ANKRD27: variants seen among roughly 807,000 people sequenced by gnomAD.
ANKRD27 encodes ankyrin repeat domain-containing protein 27.
A neutral mutation model predicts 129.7 loss-of-function variants in ANKRD27; 112 were observed. The ratio of observed to expected loss-of-function variants is 0.86; its 90% CI spans 0.74 to 1.01. The LOEUF (loss-of-function observed/expected upper bound fraction) is 1.01. ANKRD27 is among the 50% of genes least tolerant of loss of function. The pLI is 0.00. For synonymous variants in ANKRD27, 516 were observed against 511.2 expected, an observed-to-expected ratio of 1.01 and a Z score of -0.13; for missense variants, 1,258 against 1,300.5, an observed-to-expected ratio of 0.97 and a Z score of 0.50.
intron 1 of ANKRD27, among the ~76,000 whole-genome samples, chr19:32,664,188 G>C (rs937160665): frequency 3.3e-5 from 5 of 151,696 alleles, no homozygotes; most frequent in African/African-American, 1.2e-4. Context: ...ACGGGGTCTT[G>C]CTATGTTGCA....
At position 32,598,163 on chromosome 19, in the gene ANKRD27, A is replaced by C; in HGVS notation, c.3135T>G (p.Val1045=). 6.2e-7 allele frequency: 1 copy of C among 1,614,106 alleles called. No homozygotes were observed. Among genetic ancestry groups the C allele is most frequent in the East Asian group, 2.2e-5 (1 of 44,878 alleles). Residue 1045 remains valine (V), a synonymous_variant, in exon 29 of 29, where the codon GTT becomes GTG. Coordinates refer to ENST00000306065, the MANE Select transcript of ANKRD27 (RefSeq NM_032139.3). ...ATTCCTGTTAGGACCGGGAAGCACT[A>C]ACCTCTTGGGGAGTGGAGAGGGGGC... The part of the protein sequence containing the change: ...AAGPLSTPQE[V]SASRS
chr19:32,598,459 A>C, intron 28 of ANKRD27, 81 bp from the exon 29 acceptor site: 1 of 1,299,206 alleles, frequency 7.7e-7, no homozygotes, highest in Non-Finnish European at 1.1e-6. Flanking sequence ...GCTGCCCCTT[A>C]GTGCCTAGTG....
intron 4 of ANKRD27, 147 bp from the exon 5 acceptor site, chr19:32,644,626 C>A (rs936722428): frequency 1.1e-6 from 1 of 935,098 alleles, no homozygotes; most frequent in African/African-American, 1.6e-5. Flanking sequence ...TTACAGGACA[C>A]CCTGGAGTCC....
At chr19:32,601,611 CA>C (rs386388881) in intron 26 of ANKRD27, among the ~76,000 whole-genome samples, 4,804 of 65,142 alleles carry the variant, frequency 0.074, 113 homozygotes, top group East Asian at 0.35. Context: ...GACTCTGTCT[CA>C]AAAAAAAAAA....
At chr19:32,652,451 GGC>G (rs1196474375) in intron 2 of ANKRD27, among the ~76,000 whole-genome samples, 2 of 152,090 alleles carry the variant, frequency 1.3e-5, no homozygotes, top group African/African-American at 4.8e-5. Context: ...AAATTAGCCA[GGC>G]GCGGTGGCAA....
intron 22 of ANKRD27, among the ~76,000 whole-genome samples, chr19:32,610,049 G>T (rs1026072964): frequency 6.6e-6 from 1 of 151,966 alleles, no homozygotes; most frequent in South Asian, 2.1e-4. Flanking sequence ...GGTAGCTTAC[G>T]CCTGTAATGC....
intron 1 of ANKRD27, among the ~76,000 whole-genome samples, chr19:32,674,690 G>A (rs1009169114): frequency 4.0e-5 from 6 of 151,814 alleles, no homozygotes. Context: ...CTCCCCTCCA[G>A]CAGACCCTAG....
At chr19:32,607,297 G>A (rs933381625) in intron 23 of ANKRD27, among the ~76,000 whole-genome samples, 3 of 152,086 alleles carry the variant, frequency 2.0e-5, no homozygotes, top group Non-Finnish European at 4.4e-5. Context: ...AGGCACTGTC[G>A]GGGTGTAAAG....
chr19:32,671,726 A>AT (rs1967874026), intron 1 of ANKRD27, among the ~76,000 whole-genome samples: 1 of 152,228 alleles, frequency 6.6e-6, no homozygotes, highest in Non-Finnish European at 1.5e-5. Flanking sequence ...TTAGTTTGCT[A>AT]TTTTAAAATA....
intron 1 of ANKRD27, among the ~76,000 whole-genome samples, chr19:32,670,786 G>C (rs1336589789): frequency 6.6e-6 from 1 of 152,080 alleles, no homozygotes; most frequent in Non-Finnish European, 1.5e-5. Context: ...TTGAGATGGA[G>C]TTCAAGACCA....
At chr19:32,666,101 G>T (rs1967749812) in intron 1 of ANKRD27, among the ~76,000 whole-genome samples, 1 of 152,168 alleles carries the variant, frequency 6.6e-6, no homozygotes, top group African/African-American at 2.4e-5. Flanking sequence ...CACATACATG[G>T]TATATCTTTC....
In ANKRD27 at chr19:32,622,634, G is replaced by A. The variant is rs962156651; in HGVS notation, c.1630-15C>T. On this transcript the variant is annotated splice_polypyrimidine_tract_variant and intron_variant, in intron 17 of 28. Transcript: ENST00000306065. ...GCCTTCACACACTGCAAAGAGATGG[G>A]GAAATGGCATCGCTCATGGATGTAC... is the stretch of plus-strand genomic sequence containing the variant. The A allele has an allele frequency of 9.9e-6, 16 of 1,612,552 alleles. No individual in the cohort carries two copies. The highest frequency in any genetic ancestry group is 1.2e-5 in the Non-Finnish European group (14 of 1,179,880).
chr19:32,650,678 T>TA (rs929043931), intron 2 of ANKRD27, among the ~76,000 whole-genome samples: 1,774 of 128,666 alleles, frequency 0.014, 26 homozygotes, highest in South Asian at 0.035. Context: ...ACTCTGTCTT[T>TA]AAAAAAAAAA....
chr19:32,642,802 T>C (rs947613800), intron 9 of ANKRD27, among the ~76,000 whole-genome samples: 5 of 151,998 alleles, frequency 3.3e-5, no homozygotes, highest in African/African-American at 1.2e-4. Flanking sequence ...AAGGTTCCCT[T>C]GGGTGGGCAG....
chr19:32,611,732 C>A (rs10405700), intron 22 of ANKRD27, among the ~76,000 whole-genome samples: 1 of 151,856 alleles, frequency 6.6e-6, no homozygotes, highest in African/African-American at 2.4e-5. Flanking sequence ...CAGGCATGCA[C>A]CACCACGGCC....
chr19:32,632,584 CAAAAAAAAA>C (rs531083631), intron 12 of ANKRD27, among the ~76,000 whole-genome samples: 1 of 105,274 alleles, frequency 9.5e-6, no homozygotes. Flanking sequence ...GACTCCATCT[CAAAAAAAAA>C]AAAAAAAAAA....
intron 22 of ANKRD27, among the ~76,000 whole-genome samples, chr19:32,612,011 T>A (rs1484070448): frequency 6.6e-6 from 1 of 152,234 alleles, no homozygotes. Flanking sequence ...AGTGTTGGGA[T>A]TACAGGTGTA....
intron 10 of ANKRD27, among the ~76,000 whole-genome samples, chr19:32,640,719 T>A (rs567494222): frequency 3.6e-4 from 55 of 152,132 alleles, no homozygotes; most frequent in African/African-American, 1.1e-3. Flanking sequence ...CTGGGCAATA[T>A]AGCAAGACCC....
chr19:32,619,957 C>T (rs924540491), intron 18 of ANKRD27, among the ~76,000 whole-genome samples: 1 of 152,160 alleles, frequency 6.6e-6, no homozygotes, highest in Non-Finnish European at 1.5e-5. Context: ...GTAGGAACAG[C>T]TCAGAGCCAA....
Sources: gnomAD v4.1 joint callset for allele counts (sites outside exome capture counted in the v4.1 genomes callset) on GRCh38, gnomAD v4.1.1 for gene constraint, MANE v1.5 for transcripts, NCBI Gene and HGNC (gene_info 2026-07-23, HGNC 2026-07-21) for gene names.